Variants in GRM8 observed in about 807,000 individuals in gnomAD.
GRM8 encodes glutamate metabotropic receptor 8, also known as metabotropic glutamate receptor 8.
Under a neutral mutation model 87.2 loss-of-function variants are expected in GRM8, and 47 were observed. That is an observed-to-expected ratio of 0.54 (90% CI 0.43 to 0.69). GRM8 has a LOEUF of 0.69. Ranked by LOEUF, GRM8 falls within the 30% of genes least tolerant of loss-of-function variation. The probability of loss-of-function intolerance (pLI) is 0.00; values close to 1 mark genes in which losing one functional copy is unlikely to be tolerated. For missense variants in GRM8, 1,019 were observed against 1,139.2 expected (o/e 0.89, Z 1.52); for synonymous variants, 396 against 404.5 (o/e 0.98, Z 0.25).
Position 127,242,758 on chromosome 7 carries a change from G to A in GRM8, c.447C>T (p.Gly149=), listed in dbSNP as rs749784263. 2.2e-5 allele frequency: 35 copies of A among 1,614,018 alleles called. No homozygotes were observed. The South Asian group carries it at 2.3e-4, about 11-fold the overall frequency. Residue 149 remains glycine, a synonymous_variant, in exon 2 of 11, where the codon GGC becomes GGT. Transcript: ENST00000339582. ...CGGAGCTTGCTGCAGCACCTATGACGCCAGAAATCTTGTCGGGCTTGGTGA... is the reference window on the plus strand; with the variant it reads ...CGGAGCTTGCTGCAGCACCTATGACACCAGAAATCTTGTCGGGCTTGGTGA... ...PIFTKPDKIS[G]VIGAAASSVS...
intron 7 of GRM8, among the ~76,000 whole-genome samples, chr7:126,680,472 C>T (rs1476206219): frequency 6.6e-6 from 1 of 152,064 alleles, no homozygotes; most frequent in African/African-American, 2.4e-5. Context: ...GTTTGTTTTG[C>T]AATACATATT....
At chr7:126,582,003 C>G (rs902625551) in intron 8 of GRM8, among the ~76,000 whole-genome samples, 1 of 152,110 alleles carries the variant, frequency 6.6e-6, no homozygotes, top group Admixed American at 6.6e-5. Context: ...ACTACCAACA[C>G]TACAATGGCT....
chr7:127,016,605 A>G (rs188129419), intron 3 of GRM8, among the ~76,000 whole-genome samples: 2 of 152,236 alleles, frequency 1.3e-5, no homozygotes. Context: ...CACCAAACAA[A>G]AAATGAAATG....
At chr7:126,628,914 G>A (rs1800963871) in intron 7 of GRM8, among the ~76,000 whole-genome samples, 1 of 151,818 alleles carries the variant, frequency 6.6e-6, no homozygotes, top group African/African-American at 2.4e-5. Context: ...AGCAGAAGAG[G>A]GAGGAGGAGG....
intron 7 of GRM8, among the ~76,000 whole-genome samples, chr7:126,742,233 A>T (rs1815091170): frequency 6.6e-6 from 1 of 152,090 alleles, no homozygotes; most frequent in Non-Finnish European, 1.5e-5. Flanking sequence ...CAGTAATTAA[A>T]TTAAAATATT....
intron 6 of GRM8, among the ~76,000 whole-genome samples, chr7:126,814,455 G>T (rs531069699): frequency 6.6e-6 from 1 of 151,996 alleles, no homozygotes; most frequent in Non-Finnish European, 1.5e-5. Context: ...CAACTGGAAG[G>T]CTACTCCAAC....
chr7:127,054,577 G>A (rs145192330), intron 3 of GRM8, among the ~76,000 whole-genome samples: 140 of 152,236 alleles, frequency 9.2e-4, no homozygotes, highest in Middle Eastern at 3.4e-3. Flanking sequence ...GAAAAATGTA[G>A]ACTGGATGTT....
chr7:126,645,042 T>C (rs1183308028), intron 7 of GRM8, among the ~76,000 whole-genome samples: 4 of 152,198 alleles, frequency 2.6e-5, no homozygotes, highest in African/African-American at 9.7e-5. Flanking sequence ...AAGCTAACTT[T>C]TGAAGGAATT....
intron 3 of GRM8, among the ~76,000 whole-genome samples, chr7:127,097,099 G>A (rs2132977377): frequency 6.6e-6 from 1 of 152,178 alleles, no homozygotes; most frequent in Non-Finnish European, 1.5e-5. Context: ...TTTCCACTAA[G>A]AAAAAACACA....
chr7:126,949,650 C>G (rs556420763), intron 3 of GRM8, among the ~76,000 whole-genome samples: 47 of 152,226 alleles, frequency 3.1e-4, no homozygotes, highest in East Asian at 1.7e-3. Flanking sequence ...TCATTTATTG[C>G]CCACATGAGT....
At chr7:126,690,959 C>T (rs1808741417) in intron 7 of GRM8, among the ~76,000 whole-genome samples, 1 of 152,128 alleles carries the variant, frequency 6.6e-6, no homozygotes, top group Admixed American at 6.5e-5. Context: ...CCATGGGCAG[C>T]CATGGGTGGG....
intron 6 of GRM8, among the ~76,000 whole-genome samples, chr7:126,894,113 C>T (rs202182489): frequency 6.6e-6 from 1 of 151,972 alleles, no homozygotes; most frequent in East Asian, 1.9e-4. Context: ...TCAAGTTTTC[C>T]TGATATTGAA....
At chr7:126,538,092 G>A (rs1816057172) in intron 8 of GRM8, among the ~76,000 whole-genome samples, 2 of 152,150 alleles carry the variant, frequency 1.3e-5, no homozygotes, top group South Asian at 4.1e-4. Flanking sequence ...TCTTGACAAT[G>A]TTTACCAATA....
intron 7 of GRM8, among the ~76,000 whole-genome samples, chr7:126,735,697 T>C (rs561664966): frequency 1.1e-4 from 16 of 152,210 alleles, no homozygotes; most frequent in African/African-American, 3.4e-4. Context: ...GTAAAGACTC[T>C]GTCCTCGCAG....
At chr7:126,797,328 C>T (rs528732938) in intron 6 of GRM8, among the ~76,000 whole-genome samples, 1 of 152,150 alleles carries the variant, frequency 6.6e-6, no homozygotes, top group East Asian at 1.9e-4. Flanking sequence ...ACTGAATGGC[C>T]TAAGAACATC....
At chr7:126,796,371 T>C (rs1211309970) in intron 6 of GRM8, among the ~76,000 whole-genome samples, 2 of 152,150 alleles carry the variant, frequency 1.3e-5, no homozygotes, top group Non-Finnish European at 2.9e-5. Context: ...TTGATATCTA[T>C]TAGCATATAG....
At chr7:126,924,378 T>C (rs1804864153) in intron 3 of GRM8, among the ~76,000 whole-genome samples, 1 of 152,200 alleles carries the variant, frequency 6.6e-6, no homozygotes, top group South Asian at 2.1e-4. Flanking sequence ...CAAAAGATGT[T>C]AAGTTATTTT....
chr7:127,231,865 TC>T (rs1190177263), intron 2 of GRM8, among the ~76,000 whole-genome samples: 1 of 54,860 alleles, frequency 1.8e-5, no homozygotes, highest in East Asian at 1.1e-3. Flanking sequence ...GTGATTTTTT[TC>T]TTTTTCTTTT....
intron 10 of GRM8, among the ~76,000 whole-genome samples, chr7:126,441,720 T>G (rs1022089055): frequency 2.0e-5 from 3 of 152,080 alleles, no homozygotes; most frequent in Non-Finnish European, 2.9e-5. Context: ...TTAGTGACAC[T>G]ATTGATGGAT....
Sources: allele counts gnomAD v4.1 joint callset (sites outside exome capture counted in the v4.1 genomes callset), GRCh38; gene constraint gnomAD v4.1.1; transcripts MANE v1.5; gene names NCBI Gene and HGNC (gene_info 2026-07-23, HGNC 2026-07-21).